The following DNAH5 variants were observed in gnomAD, a reference collection of about 807,000 sequenced individuals.
DNAH5 encodes dynein axonemal heavy chain 5.
Under a neutral mutation model 518.2 loss-of-function variants are expected in DNAH5, and 372 were observed. That is an observed-to-expected ratio of 0.72 (90% CI 0.66 to 0.78). The LOEUF (loss-of-function observed/expected upper bound fraction) is 0.78, where lower values mean the gene tolerates loss of function less well. Ranked by LOEUF, DNAH5 falls within the 30% of genes least tolerant of loss-of-function variation. The probability of loss-of-function intolerance (pLI) is 0.00; values close to 1 mark genes in which losing one functional copy is unlikely to be tolerated. For missense variants in DNAH5, 5,523 were observed against 5,687.0 expected, an observed-to-expected ratio of 0.97 and a Z score of 0.93; for synonymous variants, 2,039 against 2,025.9, an observed-to-expected ratio of 1.01 and a Z score of -0.17.
In DNAH5 at chr5:13,737,245, A is replaced by G; in HGVS notation, c.11455+7T>C. On this transcript the variant is annotated splice_region_variant and intron_variant, in intron 66 of 78. Transcript: ENST00000265104. The stretch of plus-strand genomic sequence containing the variant: ...CTGTGACATTTGTCTTTCATTACCA[A>G]ACTCACCAGGTCTGTATTCCTCCCG... The G allele has an allele frequency of 1.9e-6, 3 of 1,613,972 alleles. No individual in the cohort carries two copies. Among genetic ancestry groups the G allele is most frequent in the Non-Finnish European group, 2.5e-6 (3 of 1,179,946 alleles).
chr5:13,760,945 A>G (rs928540812), intron 60 of DNAH5, among the ~76,000 whole-genome samples: 4 of 152,218 alleles, frequency 2.6e-5, no homozygotes, highest in Admixed American at 6.5e-5. Flanking sequence ...AACAGCATGT[A>G]TTTTTCGGAC....
chr5:13,959,189 A>G (rs190526196), intron 1 of DNAH5, among the ~76,000 whole-genome samples: 36 of 152,334 alleles, frequency 2.4e-4, no homozygotes, highest in Admixed American at 5.9e-4. Flanking sequence ...TCCAGTGGTC[A>G]GCCCGCCTCA....
rs1044025367 is a variant in DNAH5 at position 13,859,736 on chromosome 5, A to C, written c.4797-131T>G. 2.5e-5 allele frequency: 21 copies of C among 847,386 alleles called. No homozygotes were observed. The African/African-American group carries it at 3.6e-4, about 14-fold the overall frequency. The allele number at this position is 847,386 out of a possible 1,614,324, so 52.5% of individuals were successfully genotyped here. ...CCTTAATTATGTTGCTGGCTTTTAAAGTGATGCAACCAAGTGATTAATTCA... is the reference window on the plus strand; with the variant it reads ...CCTTAATTATGTTGCTGGCTTTTAACGTGATGCAACCAAGTGATTAATTCA... On this transcript the variant is annotated intron_variant, in intron 29 of 78. Transcript: ENST00000265104.
At chr5:13,854,854 C>A (rs1294009613) in intron 30 of DNAH5, among the ~76,000 whole-genome samples, 1 of 152,138 alleles carries the variant, frequency 6.6e-6, no homozygotes, top group Non-Finnish European at 1.5e-5. Context: ...AACAGGAGCA[C>A]CCAGGTTCAT....
At chr5:13,837,228 A>G (rs1764511890) in intron 35 of DNAH5, among the ~76,000 whole-genome samples, 1 of 152,242 alleles carries the variant, frequency 6.6e-6, no homozygotes, top group Non-Finnish European at 1.5e-5. Context: ...TGGCAGCAAT[A>G]CAAAGTTAGC....
intron 65 of DNAH5, among the ~76,000 whole-genome samples, chr5:13,750,056 C>G (rs1749990777): frequency 6.6e-6 from 1 of 151,786 alleles, no homozygotes; most frequent in African/African-American, 2.4e-5. Flanking sequence ...CAATAATGTT[C>G]AGGAAAAGGG....
At chr5:13,871,193 AC>A (rs1467688221) in intron 23 of DNAH5, among the ~76,000 whole-genome samples, 191 bp from the exon 24 acceptor site, 2 of 152,202 alleles carry the variant, frequency 1.3e-5, no homozygotes, top group Non-Finnish European at 2.9e-5. Context: ...GTTTGTTTTT[AC>A]AACAACTCAA....
chr5:14,007,187 C>T (rs1286878563), intron 1 of DNAH5, among the ~76,000 whole-genome samples: 2 of 152,334 alleles, frequency 1.3e-5, no homozygotes, highest in African/African-American at 2.4e-5. Flanking sequence ...GCAATGACAC[C>T]GTTCTCTGAG....
At position 13,708,161 on chromosome 5, in the gene DNAH5, A is replaced by C. The variant is rs780505008; in HGVS notation, c.13300T>G (p.Cys4434Gly). The C allele has an allele frequency of 6.2e-7, 1 of 1,614,106 alleles. No individual in the cohort carries two copies. The highest frequency in any genetic ancestry group is 8.5e-7 in the Non-Finnish European group (1 of 1,180,030). The change falls in exon 76 of 79, where the codon TGC becomes GGC. Residue 4434 changes from cysteine (C) to glycine (G), a missense_variant. By Grantham distance (159) the Cys-to-Gly change is radical. This residue lies in a region of DNAH5 where 387 missense variants were observed against 430.0 expected (regional missense o/e 0.90). Transcript: ENST00000265104. ...GCAGGGATTCTAGCATCAAACATGC[A>C]ATCCAATGCATCTCGCAGATTTTCG... ...MSENLRDALD[C>G]MFDARIPAWW... is the part of the protein sequence containing the mutation.
intron 73 of DNAH5, among the ~76,000 whole-genome samples, chr5:13,716,939 A>G (rs1744366948): frequency 6.6e-6 from 1 of 152,180 alleles, no homozygotes; most frequent in African/African-American, 2.4e-5. Context: ...ATAAATAGAA[A>G]ATAGTGTTTG....
At chr5:13,900,039 G>A (rs537075883) in intron 15 of DNAH5, 167 bp downstream of exon 15, 105 of 637,288 alleles carry the variant, frequency 1.6e-4, no homozygotes, top group South Asian at 1.4e-3. Flanking sequence ...GACCTGTAAC[G>A]GCCTGGCCCC....
rs143673459 is a variant in DNAH5, at chr5:13,885,028, G to A, written c.2944C>T (p.Arg982Cys). The A allele has an allele frequency of 1.7e-5, 27 of 1,614,192 alleles. No individual in the cohort carries two copies. Among genetic ancestry groups the A allele is most frequent in the Middle Eastern group, 1.6e-4 (1 of 6,062 alleles). The change falls in exon 19 of 79, where the codon CGC (arginine) becomes TGC (cysteine). Residue 982 changes from arginine to cysteine, a missense_variant. This residue lies in a region of DNAH5 where 5,121 missense variants were observed against 5,223.3 expected (regional missense o/e 0.98). Coordinates refer to ENST00000265104, the MANE Select transcript of DNAH5 (RefSeq NM_001369.3). ...GTGTGAGAGGAATGAATACGTTTGC[G>A]AATGGCCTCTAGTGTATTCCTTGTA... ...KVTRNTLEAI[R>C]KRIHSSHTIN...
intron 58 of DNAH5, among the ~76,000 whole-genome samples, chr5:13,767,727 C>G (rs920870457): frequency 2.6e-5 from 4 of 152,214 alleles, no homozygotes; most frequent in African/African-American, 9.6e-5. Context: ...AACAAAAACT[C>G]AACCTGTTTC....
intron 1 of DNAH5, among the ~76,000 whole-genome samples, chr5:14,003,984 T>C (rs1176961135): frequency 6.6e-6 from 1 of 152,138 alleles, no homozygotes; most frequent in Non-Finnish European, 1.5e-5. Context: ...CCTTCCCCAG[T>C]TTCCTGACCT....
chr5:13,801,178 T>C (rs759798300), intron 47 of DNAH5, among the ~76,000 whole-genome samples: 3 of 152,144 alleles, frequency 2.0e-5, no homozygotes, highest in Non-Finnish European at 2.9e-5. Context: ...GACTGGATCA[T>C]GGAGGTGGTT....
rs931337262 is a variant in DNAH5 at position 13,883,080 on chromosome 5, A to C, written c.2998T>G (p.Ser1000Ala). 1.3e-5 allele frequency: 21 copies of C among 1,613,866 alleles called. No homozygotes were observed. Among genetic ancestry groups the C allele is most frequent in the Non-Finnish European group, 1.6e-5 (19 of 1,180,032 alleles). Reference protein sequence around the residue: ...TINFRDSNSASNMKQNSLPIF... With the variant: ...TINFRDSNSAANMKQNSLPIF... ...GGCAAACTGTTCTGCTTCATGTTAG[A>C]GGCACTGTTACTGTCTGAGTTAACC... The change falls in exon 20 of 79, where the codon TCT (serine) becomes GCT (alanine). Residue 1000 changes from serine to alanine, a missense_variant. Ser to Ala is a moderately conservative substitution (Grantham distance 99). This residue lies in a region of DNAH5 where 5,121 missense variants were observed against 5,223.3 expected (regional missense o/e 0.98). Coordinates refer to ENST00000265104, the MANE Select transcript of DNAH5 (RefSeq NM_001369.3).
chr5:13,933,885 T>C (rs1015206012), intron 1 of DNAH5, among the ~76,000 whole-genome samples: 12 of 150,264 alleles, frequency 8.0e-5, no homozygotes, highest in Non-Finnish European at 1.3e-4. Flanking sequence ...GAGTGACCAA[T>C]AGCAACAATG....
intron 46 of DNAH5, among the ~76,000 whole-genome samples, chr5:13,808,159 G>A (rs1759949401): frequency 6.6e-6 from 1 of 150,568 alleles, no homozygotes; most frequent in Non-Finnish European, 1.5e-5. Context: ...GAACCCGAGA[G>A]GCAGACGTAG....
At chr5:13,768,891 T>C (rs1029202519) in intron 58 of DNAH5, 69 bp downstream of exon 58, 11 of 1,533,590 alleles carry the variant, frequency 7.2e-6, no homozygotes, top group African/African-American at 1.4e-5. Flanking sequence ...CTTGCTGTTA[T>C]TCATCTTTTT....
Sources: gnomAD v4.1 joint callset for allele counts (sites outside exome capture counted in the v4.1 genomes callset) on GRCh38, gnomAD v4.1.1 for gene constraint, gnomAD v4.1.1 regional missense constraint, MANE v1.5 for transcripts, NCBI Gene and HGNC (gene_info 2026-07-23, HGNC 2026-07-21) for gene names.